The following DCLK1 variants were observed in gnomAD, a reference collection of about 807,000 sequenced individuals.
DCLK1 encodes the protein doublecortin like kinase 1.
Under a neutral mutation model 86.2 loss-of-function variants are expected in DCLK1, and 16 were observed. The ratio of observed to expected loss-of-function variants is 0.19; its 90% CI spans 0.13 to 0.28. The LOEUF (loss-of-function observed/expected upper bound fraction) is 0.28. Ranked by LOEUF, DCLK1 falls within the 10% of genes least tolerant of loss-of-function variation. The pLI, the probability that DCLK1 is intolerant of heterozygous loss-of-function variation, is 1.00. For synonymous variants in DCLK1, 369 were observed against 370.5 expected, an observed-to-expected ratio of 1.00 and a Z score of 0.05; for missense variants, 590 against 940.2, an observed-to-expected ratio of 0.63 and a Z score of 4.87.
chr13:35,839,150 C>A lies in DCLK1; in HGVS notation c.1062G>T (p.Thr354=). 1 of 1,589,590 alleles carries A rather than the reference C, an allele frequency of 6.3e-7. No homozygotes were observed. The highest frequency in any genetic ancestry group is 1.7e-4 in the Middle Eastern group (1 of 6,038). The change falls in exon 7 of 17, where the codon ACG becomes ACT. Residue 354 remains threonine (T), a synonymous_variant. Transcript: ENST00000360631. ...TGCAGACTTTGGTGGACGCAAGTGA[C>A]GTAGAGGAGCCGCCATGCTGAGAGC... ...QRSSQHGGSS[T]SLASTKVCSS...
At chr13:35,942,898 C>T (rs184901604) in intron 4 of DCLK1, among the ~76,000 whole-genome samples, 10 of 152,206 alleles carry the variant, frequency 6.6e-5, no homozygotes, top group Admixed American at 3.3e-4. Context: ...AATGCTATAA[C>T]GGTAAGTATC....
chr13:35,854,577 AC>A lies in DCLK1; in HGVS notation c.956del (p.Gly319ValfsTer68). The A allele has an allele frequency of 6.3e-7, 1 of 1,598,136 alleles. No homozygotes were observed. The highest frequency in any genetic ancestry group is 1.1e-5 in the South Asian group (1 of 88,770). On this transcript the variant is annotated frameshift_variant, in exon 6 of 17. Coordinates refer to ENST00000360631, the MANE Select transcript of DCLK1 (RefSeq NM_001330071.2). LOFTEE classifies it high-confidence loss of function. ...CTGAGCGCGGAGTAGAGAGCTGACT[AC>A]CAGGGGTTCCATTAACTAGAAATAC... ...ASTSSVNGTP[G>X]SQLSTPRSGK...
chr13:35,982,446 G>C (rs1593791082), intron 3 of DCLK1, among the ~76,000 whole-genome samples: 1 of 86,406 alleles, frequency 1.2e-5, no homozygotes, highest in Non-Finnish European at 2.5e-5. Flanking sequence ...GAGGGAGGGA[G>C]GGAGGGAGGG....
intron 4 of DCLK1, among the ~76,000 whole-genome samples, chr13:35,920,909 T>C (rs920815159): frequency 3.3e-5 from 5 of 151,180 alleles, no homozygotes; most frequent in African/African-American, 9.7e-5. Flanking sequence ...CTCCCTGCAT[T>C]CAGTAAGTCA....
intron 4 of DCLK1, among the ~76,000 whole-genome samples, chr13:35,894,711 G>A (rs927247648): frequency 2.0e-5 from 3 of 152,156 alleles, no homozygotes; most frequent in Non-Finnish European, 4.4e-5. Flanking sequence ...GCTCTTCCTT[G>A]TTGAGAGTCT....
chr13:35,826,562 A>AGG (rs1566553381), intron 10 of DCLK1, among the ~76,000 whole-genome samples: 37 of 26,750 alleles, frequency 1.4e-3, no homozygotes, highest in Non-Finnish European at 4.0e-3. Context: ...AAAGAAAGAA[A>AGG]CAAGTCCTAA....
At chr13:36,129,153 G>C (rs1335516546) in intron 1 of DCLK1, among the ~76,000 whole-genome samples, 1 of 152,188 alleles carries the variant, frequency 6.6e-6, no homozygotes, top group Non-Finnish European at 1.5e-5. Flanking sequence ...GGGCCATAGG[G>C]AAGGATGGCA....
At chr13:35,849,355 A>G in intron 6 of DCLK1, 1 of 985,098 alleles carries the variant, frequency 1.0e-6, no homozygotes, top group African/African-American at 1.7e-5. Flanking sequence ...TTCAAGTAAA[A>G]TTTGAAAAAA....
intron 3 of DCLK1, among the ~76,000 whole-genome samples, chr13:35,974,320 G>T (rs1255253887): frequency 6.6e-6 from 1 of 152,138 alleles, no homozygotes; most frequent in Non-Finnish European, 1.5e-5. Flanking sequence ...ATCTGATCTT[G>T]CTACTGTCCT....
chr13:36,071,815 T>C (rs1052645049), intron 3 of DCLK1, among the ~76,000 whole-genome samples: 1 of 152,198 alleles, frequency 6.6e-6, no homozygotes, highest in African/African-American at 2.4e-5. Flanking sequence ...CTAGACTATA[T>C]TGCTTTTTGG....
At chr13:36,062,449 C>T (rs550286632) in intron 3 of DCLK1, among the ~76,000 whole-genome samples, 3 of 152,248 alleles carry the variant, frequency 2.0e-5, no homozygotes, top group South Asian at 4.1e-4. Context: ...TGGAGAACAA[C>T]CCACCTGTTA....
At chr13:36,078,481 G>T (rs1375775670) in intron 3 of DCLK1, among the ~76,000 whole-genome samples, 1 of 152,158 alleles carries the variant, frequency 6.6e-6, no homozygotes, top group Non-Finnish European at 1.5e-5. Context: ...TTCTTCAACT[G>T]AGTAGAAATC....
intron 3 of DCLK1, among the ~76,000 whole-genome samples, chr13:36,040,205 AC>A (rs1455736089): frequency 1.3e-5 from 2 of 151,500 alleles, no homozygotes; most frequent in African/African-American, 4.8e-5. Context: ...TCACTTAAGT[AC>A]TTTTTTCTGT....
intron 3 of DCLK1, among the ~76,000 whole-genome samples, chr13:36,087,012 T>C (rs751927283): frequency 3.9e-5 from 6 of 152,206 alleles, no homozygotes; most frequent in Non-Finnish European, 8.8e-5. Flanking sequence ...AGTCAAATGG[T>C]ATTTCTGGTT....
At chr13:36,035,700 G>A (rs946305571) in intron 3 of DCLK1, among the ~76,000 whole-genome samples, 1 of 152,106 alleles carries the variant, frequency 6.6e-6, no homozygotes, top group Non-Finnish European at 1.5e-5. Context: ...CACCATGCTG[G>A]CTTGTGCTGA....
chr13:36,039,822 G>A (rs774284863), intron 3 of DCLK1, among the ~76,000 whole-genome samples: 2 of 152,008 alleles, frequency 1.3e-5, no homozygotes, highest in African/African-American at 2.4e-5. Context: ...ACTTTTGAAC[G>A]CAGTGTCTAA....
intron 3 of DCLK1, among the ~76,000 whole-genome samples, chr13:35,975,814 C>T (rs1250190262): frequency 6.6e-6 from 1 of 152,178 alleles, no homozygotes; most frequent in Non-Finnish European, 1.5e-5. Context: ...GCCACGCTCC[C>T]TTGCCTTTTG....
At chr13:35,915,763 TA>T (rs921839495) in intron 4 of DCLK1, among the ~76,000 whole-genome samples, 1 of 152,098 alleles carries the variant, frequency 6.6e-6, no homozygotes, top group Non-Finnish European at 1.5e-5. Context: ...TAATTTTTTT[TA>T]AAAGGCTAAG....
intron 3 of DCLK1, among the ~76,000 whole-genome samples, chr13:36,111,209 TA>T (rs1885606537): frequency 6.6e-6 from 1 of 152,074 alleles, no homozygotes; most frequent in Admixed American, 6.6e-5. Flanking sequence ...CCCAAGACAA[TA>T]AAAGGTGATG....
Sources: allele counts gnomAD v4.1 joint callset (sites outside exome capture counted in the v4.1 genomes callset), GRCh38; gene constraint gnomAD v4.1.1; transcripts MANE v1.5; gene names NCBI Gene and HGNC (gene_info 2026-07-23, HGNC 2026-07-21).